Variants in C10orf90 observed in about 807,000 individuals in gnomAD.
C10orf90 encodes the protein chromosome 10 open reading frame 90, also known as (E2-independent) E3 ubiquitin-conjugating enzyme FATS.
Under a neutral mutation model 62.5 loss-of-function variants are expected in C10orf90, and 56 were observed. The ratio of observed to expected loss-of-function variants is 0.90; its 90% confidence interval spans 0.72 to 1.12. The LOEUF (loss-of-function observed/expected upper bound fraction) is 1.12, where lower values mean the gene tolerates loss of function less well. Ranked by LOEUF, C10orf90 falls within the 50% of genes most tolerant of loss-of-function variation. The probability of loss-of-function intolerance (pLI) is 0.00; values close to 1 mark genes in which losing one functional copy is unlikely to be tolerated. For synonymous variants in C10orf90, 386 were observed against 340.4 expected, an observed-to-expected ratio of 1.13 and a Z score of -1.47; for missense variants, 970 against 880.4, an observed-to-expected ratio of 1.10 and a Z score of -1.29.
intron 2 of C10orf90, among the ~76,000 whole-genome samples, chr10:126,638,496 C>A (rs1223652687): frequency 6.6e-6 from 1 of 152,122 alleles, no homozygotes. Flanking sequence ...TCTGGATCAG[C>A]AGCTGTGCTG....
intron 1 of C10orf90, among the ~76,000 whole-genome samples, chr10:126,653,664 T>G (rs1165150315): frequency 6.6e-6 from 1 of 152,194 alleles, no homozygotes; most frequent in Admixed American, 6.5e-5. Context: ...AATGTGCTAT[T>G]TTGACCTCCT....
chr10:126,578,992 G>A (rs911425485), intron 2 of C10orf90, among the ~76,000 whole-genome samples: 3 of 151,978 alleles, frequency 2.0e-5, no homozygotes, highest in South Asian at 2.1e-4. Context: ...AAGTCATTTT[G>A]TGAAAACTCA....
intron 2 of C10orf90, among the ~76,000 whole-genome samples, chr10:126,591,776 T>C (rs370648403): frequency 7.2e-5 from 11 of 152,120 alleles, no homozygotes; most frequent in African/African-American, 2.2e-4. Context: ...TTGCAGATGA[T>C]ATGATCCCGT....
intron 8 of C10orf90, among the ~76,000 whole-genome samples, chr10:126,428,069 C>A (rs539199102): frequency 6.6e-6 from 1 of 151,904 alleles, no homozygotes; most frequent in Non-Finnish European, 1.5e-5. Flanking sequence ...CAGTCAAAAC[C>A]GACAAAGAAA....
intron 4 of C10orf90, among the ~76,000 whole-genome samples, chr10:126,481,047 G>C (rs545697439): frequency 6.6e-6 from 1 of 152,136 alleles, no homozygotes; most frequent in Non-Finnish European, 1.5e-5. Context: ...CTCATCCCTT[G>C]AATGTGCCAG....
chr10:126,433,108 C>A (rs1857688518), intron 7 of C10orf90, among the ~76,000 whole-genome samples: 2 of 152,074 alleles, frequency 1.3e-5, no homozygotes, highest in South Asian at 2.1e-4. Context: ...GACTCTTCTA[C>A]CCTGTACAGG....
chr10:126,481,172 G>A (rs1415097861), intron 4 of C10orf90, among the ~76,000 whole-genome samples: 1 of 152,192 alleles, frequency 6.6e-6, no homozygotes, highest in East Asian at 1.9e-4. Context: ...GTCAATCAGA[G>A]AAGCCTTCCC....
At chr10:126,660,293 G>A (rs1846482576) in intron 1 of C10orf90, among the ~76,000 whole-genome samples, 1 of 152,226 alleles carries the variant, frequency 6.6e-6, no homozygotes. Flanking sequence ...AGTTGACATT[G>A]AGTCAATCAA....
At chr10:126,550,889 C>T (rs1008225828) in intron 2 of C10orf90, among the ~76,000 whole-genome samples, 7 of 152,200 alleles carry the variant, frequency 4.6e-5, no homozygotes, top group African/African-American at 1.7e-4. Context: ...AAAACAATTA[C>T]AATGCCACTG....
chr10:126,639,081 A>G (rs1371910964), intron 2 of C10orf90, among the ~76,000 whole-genome samples: 1 of 152,224 alleles, frequency 6.6e-6, no homozygotes, highest in Non-Finnish European at 1.5e-5. Flanking sequence ...AAAACCCAGC[A>G]AACTCCAAAA....
At chr10:126,501,008 C>T (rs990457178) in intron 4 of C10orf90, among the ~76,000 whole-genome samples, 5 of 152,182 alleles carry the variant, frequency 3.3e-5, no homozygotes, top group African/African-American at 1.2e-4. Context: ...CCTTCAGATA[C>T]AAAGAATCAG....
At chr10:126,642,779 G>A (rs74158860) in intron 2 of C10orf90, among the ~76,000 whole-genome samples, 10 of 151,986 alleles carry the variant, frequency 6.6e-5, no homozygotes, top group East Asian at 1.9e-4. Context: ...CAGCTGCTTC[G>A]CGAGCATCTG....
intron 7 of C10orf90, among the ~76,000 whole-genome samples, chr10:126,440,516 G>A (rs189745757): frequency 1.9e-3 from 287 of 152,194 alleles, no homozygotes; most frequent in Non-Finnish European, 3.2e-3. Context: ...GCCTACTGCC[G>A]GTTCCTCTCC....
At chr10:126,514,997 C>T (rs938175725) in intron 2 of C10orf90, among the ~76,000 whole-genome samples, 2 of 152,202 alleles carry the variant, frequency 1.3e-5, no homozygotes, top group African/African-American at 4.8e-5. Flanking sequence ...TCCCCAACTG[C>T]TAGTGCAGGT....
chr10:126,436,586 G>C (rs998453578), intron 7 of C10orf90, among the ~76,000 whole-genome samples: 2 of 152,174 alleles, frequency 1.3e-5, no homozygotes, highest in African/African-American at 4.8e-5. Flanking sequence ...TTTGCTTGGT[G>C]CTATGTGCTT....
chr10:126,486,228 A>G (rs2133819232), intron 4 of C10orf90, among the ~76,000 whole-genome samples: 1 of 152,228 alleles, frequency 6.6e-6, no homozygotes, highest in East Asian at 1.9e-4. Context: ...CCCCTTTCAG[A>G]CTTGGGGCCA....
intron 2 of C10orf90, among the ~76,000 whole-genome samples, chr10:126,516,192 A>G (rs913155632): frequency 3.9e-5 from 6 of 152,218 alleles, no homozygotes; most frequent in African/African-American, 1.4e-4. Context: ...CTTTTATAAA[A>G]TGCATGCAAT....
intron 4 of C10orf90, among the ~76,000 whole-genome samples, chr10:126,477,267 T>A (rs1243943471): frequency 8.6e-6 from 1 of 116,674 alleles, no homozygotes; most frequent in Non-Finnish European, 2.0e-5. Context: ...TCCCCAGACC[T>A]TCTCCCCATT....
At chr10:126,539,537 A>G (rs1210007887) in intron 2 of C10orf90, among the ~76,000 whole-genome samples, 2 of 152,206 alleles carry the variant, frequency 1.3e-5, no homozygotes, top group Non-Finnish European at 2.9e-5. Flanking sequence ...TTCTATTCAC[A>G]CAGACCTTCA....
Sources: allele counts gnomAD v4.1 joint callset (sites outside exome capture counted in the v4.1 genomes callset), GRCh38; gene constraint gnomAD v4.1.1; transcripts MANE v1.5; gene names NCBI Gene and HGNC (gene_info 2026-07-23, HGNC 2026-07-21).